Variants in NUDT7 observed in about 807,000 individuals in gnomAD.
NUDT7 encodes the protein nudix hydrolase 7, also known as peroxisomal coenzyme A diphosphatase NUDT7.
Under a neutral mutation model 13.1 loss-of-function variants are expected in NUDT7, and 19 were observed. The observed-to-expected ratio is 1.45, with a 90% CI of 1.01 to 2.13. NUDT7 has a LOEUF of 2.13. Among genes scored for constraint, NUDT7 ranks in the 30% most tolerant of loss-of-function variants. NUDT7 has a pLI of 0.00. For synonymous variants in NUDT7, 132 were observed against 109.7 expected (o/e 1.20, Z -1.27); for missense variants, 360 against 291.7 (o/e 1.23, Z -1.71).
intron 3 of NUDT7, among the ~76,000 whole-genome samples, chr16:77,740,009 T>C (rs1376431386): frequency 6.6e-6 from 1 of 152,172 alleles, no homozygotes; most frequent in Non-Finnish European, 1.5e-5. Context: ...GGGAGCACTT[T>C]CTTAAAAAAT....
At chr16:77,741,459 G>A (rs565911912) in intron 3 of NUDT7, 123 bp from the exon 4 acceptor site, 6 of 1,009,472 alleles carry the variant, frequency 5.9e-6, no homozygotes, top group South Asian at 1.7e-5. Flanking sequence ...TCCGGAATAA[G>A]CTTTCTTCCC....
chr16:77,722,938 A>C (rs2014007220), intron 1 of NUDT7, among the ~76,000 whole-genome samples: 1 of 152,104 alleles, frequency 6.6e-6, no homozygotes, highest in African/African-American at 2.4e-5. Context: ...GACCCGCAGC[A>C]GGCAGCCCCG....
intron 2 of NUDT7, among the ~76,000 whole-genome samples, chr16:77,726,593 G>A (rs529112442): frequency 3.3e-5 from 5 of 152,046 alleles, no homozygotes; most frequent in African/African-American, 4.8e-5. Context: ...TCAGCAGTTC[G>A]AGACAAGCCT....
At chr16:77,734,349 T>C (rs892210423) in intron 2 of NUDT7, among the ~76,000 whole-genome samples, 1 of 152,082 alleles carries the variant, frequency 6.6e-6, no homozygotes, top group African/African-American at 2.4e-5. Context: ...TATGGCTGGG[T>C]GCGGTGGCTC....
At chr16:77,741,526 A>C in intron 3 of NUDT7, 56 bp from the exon 4 acceptor site, 1 of 1,507,472 alleles carries the variant, frequency 6.6e-7, no homozygotes, top group South Asian at 1.3e-5. Flanking sequence ...TGATTTTAGG[A>C]TTTGAAGCAG....
At chr16:77,736,119 C>A in intron 3 of NUDT7, 133 bp downstream of exon 3, 2 of 821,030 alleles carry the variant, frequency 2.4e-6, no homozygotes, top group Non-Finnish European at 3.8e-6. Context: ...GGTTCTCCTA[C>A]AGACATTGCC....
rs554150697 is a variant in NUDT7 at position 77,722,555 on chromosome 16, C to A, written c.-28C>A. On this transcript the variant is annotated 5_prime_UTR_variant, in exon 1 of 4. Coordinates refer to ENST00000268533, the MANE Select transcript of NUDT7 (RefSeq NM_001105663.3). The stretch of plus-strand genomic sequence containing the variant: ...ACCGACCGAGCAGCTCCGAGGAGTC[C>A]GCCCGGAAACAAACATTCCCCAGGG... 249 of 1,572,134 alleles carry A rather than the reference C, an allele frequency of 1.6e-4. No homozygotes were observed. In the African/African-American group the frequency reaches 3.1e-3, roughly 19 times the overall value.
At chr16:77,731,116 C>A (rs1030685960) in intron 2 of NUDT7, among the ~76,000 whole-genome samples, 2 of 151,968 alleles carry the variant, frequency 1.3e-5, no homozygotes, top group African/African-American at 4.8e-5. Context: ...GCTTTCATTG[C>A]CTGTGCTTTT....
At chr16:77,736,056 C>G (rs1451524324) in intron 3 of NUDT7, 70 bp downstream of exon 3, 3 of 1,422,548 alleles carry the variant, frequency 2.1e-6, no homozygotes, top group Non-Finnish European at 3.0e-6. Flanking sequence ...CTCAGGATTC[C>G]ACATTTTCCA....
chr16:77,733,604 A>G (rs1243451390), intron 2 of NUDT7, among the ~76,000 whole-genome samples: 1 of 152,260 alleles, frequency 6.6e-6, no homozygotes, highest in Non-Finnish European at 1.5e-5. Context: ...AAATGGCAAC[A>G]TGATCTCTTG....
At chr16:77,735,426 C>A (rs1314661064) in intron 2 of NUDT7, 2 of 642,038 alleles carry the variant, frequency 3.1e-6, no homozygotes, top group Non-Finnish European at 5.6e-6. Context: ...CTTTACCTTC[C>A]GCCATGATTG....
Position 77,734,587 on chromosome 16 carries a change from A to C in NUDT7, c.190-1241A>C, listed in dbSNP as rs72790934. ...GCAGTGAGCCGAGTTCGCACACTGC[A>C]CTCCAGCGTGGGACACAGAGCGGGA... On this transcript the variant is annotated intron_variant, in intron 2 of 3. Transcript: ENST00000268533. Among the ~76,000 whole-genome samples, 1,055 of 152,242 alleles carry C rather than the reference A, an allele frequency of 6.9e-3. 7 individuals carry two copies. Among genetic ancestry groups the C allele is most frequent in the Non-Finnish European group, 0.012 (808 of 68,020 alleles).
rs758723028 is a variant in NUDT7, at chr16:77,722,625, C to A, written c.35+8C>A. 28 of 1,590,674 alleles carry A rather than the reference C, an allele frequency of 1.8e-5. No individual in the cohort carries two copies. Among genetic ancestry groups the A allele is most frequent in the Non-Finnish European group, 2.4e-5 (28 of 1,167,956 alleles). ...TCCCGAGGAGCCAGTCAGGTAAAGG[C>A]TTTCCGGGCCCTGGCACCCCGAGCT... On this transcript the variant is annotated splice_region_variant and intron_variant, in intron 1 of 3. Coordinates refer to ENST00000268533, the MANE Select transcript of NUDT7 (RefSeq NM_001105663.3).
At chr16:77,731,955 CAA>C (rs2014331746) in intron 2 of NUDT7, among the ~76,000 whole-genome samples, 1 of 151,452 alleles carries the variant, frequency 6.6e-6, no homozygotes, top group Non-Finnish European at 1.5e-5. Flanking sequence ...AGTGTTATTA[CAA>C]AAGAGTCAAA....
At chr16:77,726,160 C>T (rs964422498) in intron 2 of NUDT7, among the ~76,000 whole-genome samples, 5 of 152,224 alleles carry the variant, frequency 3.3e-5, no homozygotes, top group African/African-American at 7.2e-5. Flanking sequence ...TAGCTGTCCA[C>T]GTTGAATCCA....
In NUDT7 at chr16:77,742,046, G is replaced by A; in HGVS notation, c.*96G>A. On this transcript the variant is annotated 3_prime_UTR_variant, in exon 4 of 4. Transcript: ENST00000268533. ...TGCCAGCTGTTGGAATTTGACAGGT[G>A]TGAATATTTTTTCTGCAGTATGTAG... 9.4e-6 allele frequency: 14 copies of A among 1,485,754 alleles called. No homozygotes were observed. Among genetic ancestry groups the A allele is most frequent in the Non-Finnish European group, 1.2e-5 (14 of 1,127,200 alleles). The allele number at this position is 1,485,754 out of a possible 1,614,324, so 92.0% of individuals were successfully genotyped here.
intron 1 of NUDT7, among the ~76,000 whole-genome samples, chr16:77,724,186 C>T (rs1362425045): frequency 6.6e-6 from 1 of 152,090 alleles, no homozygotes; most frequent in Non-Finnish European, 1.5e-5. Context: ...TGGCTCACAG[C>T]AGCATCACTT....
At chr16:77,722,639 G>A (rs1270772892) in intron 1 of NUDT7, 22 bp downstream of exon 1, 3 of 1,582,700 alleles carry the variant, frequency 1.9e-6, no homozygotes, top group East Asian at 4.6e-5. Flanking sequence ...CCGGGCCCTG[G>A]CACCCCGAGC....
In NUDT7 at chr16:77,725,515, C is replaced by A; in HGVS notation, c.120C>A (p.Tyr40Ter). The A allele has an allele frequency of 6.2e-7, 1 of 1,614,034 alleles. No individual in the cohort carries two copies. The highest frequency in any genetic ancestry group is 1.1e-5 in the South Asian group (1 of 91,074). ...ATTCTCACTTGCCATATAACAAATA[C>A]TCCGTCCTTTTGCCATTGGTGGCTA... ...GKYSHLPYNK[Y>*]SVLLPLVAKE... Residue 40 changes from tyrosine (Y) to a stop codon, truncating the protein, a stop_gained, in exon 2 of 4, where the codon TAC (tyrosine) becomes TAA (stop). Transcript: ENST00000268533. LOFTEE classifies it high-confidence loss of function.
Sources: gnomAD v4.1 joint callset for allele counts (sites outside exome capture counted in the v4.1 genomes callset) on GRCh38, gnomAD v4.1.1 for gene constraint, MANE v1.5 for transcripts, NCBI Gene and HGNC (gene_info 2026-07-23, HGNC 2026-07-21) for gene names.